SPTBN4: variants seen among roughly 807,000 people sequenced by gnomAD.
SPTBN4 encodes the protein spectrin beta chain, non-erythrocytic 4.
SPTBN4 carries 96 observed loss-of-function variants against 277.8 expected under a neutral mutation model. That is an observed-to-expected ratio of 0.35 (90% confidence interval 0.29 to 0.41). The LOEUF is 0.41. SPTBN4 is among the 10% of genes least tolerant of loss of function. The probability of loss-of-function intolerance (pLI) is 1.00; values close to 1 mark genes in which losing one functional copy is unlikely to be tolerated. For missense variants in SPTBN4, 3,006 were observed against 3,595.7 expected, an observed-to-expected ratio of 0.84 and a Z score of 4.19; for synonymous variants, 1,481 against 1,580.3, an observed-to-expected ratio of 0.94 and a Z score of 1.49.
Position 40,554,484 on chromosome 19 carries a change from G to A in SPTBN4, c.4954-32G>A, listed in dbSNP as rs1240126787. 1 of 1,486,282 alleles carries A rather than the reference G, an allele frequency of 6.7e-7. No individual in the cohort carries two copies. The highest frequency in any genetic ancestry group is 1.4e-5 in the South Asian group (1 of 74,052). 92.1% of individuals were successfully genotyped at this position (1,486,282 alleles called of 1,614,324 possible). On this transcript the variant is annotated intron_variant, in intron 23 of 35. Transcript: ENST00000598249. This position sits in a 1 kb window ranked among gnomAD's most constrained non-coding sequence, Gnocchi z 5.7. Reference sequence around the variant, plus strand: ...GGCGCTGGAGCCGGGGGCCGCCGCTGCCGCCTCATCGTGGGCGCTTTGTGC... The same window carrying A: ...GGCGCTGGAGCCGGGGGCCGCCGCTACCGCCTCATCGTGGGCGCTTTGTGC...
Position 40,554,582 on chromosome 19 carries a change from G to A in SPTBN4, c.5020G>A (p.Glu1674Lys), listed in dbSNP as rs369155462. The A allele has an allele frequency of 1.9e-6, 3 of 1,543,478 alleles. No homozygotes were observed. The highest frequency in any genetic ancestry group is 2.6e-6 in the Non-Finnish European group (3 of 1,143,298). Reference protein sequence around the residue: ...LQLEQGVENYEESIAQLSRQC... With the variant: ...LQLEQGVENYKESIAQLSRQC... ...GCTGGAGCAAGGCGTGGAGAACTAC[G>A]AGGAAAGCATCGCGCAGCTGTCGCG... Residue 1674 changes from glutamate to lysine, a missense_variant, in exon 24 of 36, where the codon GAG becomes AAG. Transcript: ENST00000598249. This position sits in a 1 kb window ranked among gnomAD's most constrained non-coding sequence, Gnocchi z 5.7.
intron 35 of SPTBN4, among the ~76,000 whole-genome samples, chr19:40,572,814 A>G (rs1292647969): frequency 1.3e-5 from 2 of 151,902 alleles, no homozygotes; most frequent in Admixed American, 1.3e-4. Context: ...ACAAAAATTA[A>G]CTGGGCATGG....
Position 40,523,593 on chromosome 19 carries a change from A to G in SPTBN4, c.3811A>G (p.Ile1271Val). The change falls in exon 17 of 36, where the codon ATC becomes GTC. Residue 1271 changes from isoleucine (I) to valine (V), a missense_variant. By Grantham distance (29) the Ile-to-Val change is conservative (BLOSUM62 3). Coordinates refer to ENST00000598249, the MANE Select transcript of SPTBN4 (RefSeq NM_020971.3). ...AAEGLLRQGN[I>V]YGEQAQEAVT... ...AGAGGGCCTGCTGAGGCAGGGCAAC[A>G]TCTACGGGGAGCAGGCTCAGGAGGC... 1 of 1,614,070 alleles carries G rather than the reference A, an allele frequency of 6.2e-7. No homozygotes were observed. Among genetic ancestry groups the G allele is most frequent in the Non-Finnish European group, 8.5e-7 (1 of 1,179,956 alleles).
chr19:40,532,159 G>A (rs2080682633), intron 18 of SPTBN4, among the ~76,000 whole-genome samples: 1 of 151,846 alleles, frequency 6.6e-6, no homozygotes, highest in Admixed American at 6.6e-5. Context: ...TTGGGAATGG[G>A]TTGAGGCTCT....
chr19:40,519,772 G>A lies in SPTBN4; in HGVS notation c.3275G>A (p.Arg1092His). 1 of 1,413,200 alleles carries A rather than the reference G, an allele frequency of 7.1e-7. No homozygotes were observed. The highest frequency in any genetic ancestry group is 1.5e-5 in the South Asian group (1 of 64,704). 87.5% of individuals were successfully genotyped at this position (1,413,200 alleles called of 1,614,324 possible). The change falls in exon 16 of 36, where the codon CGC becomes CAC. Residue 1092 changes from arginine (R) to histidine (H), a missense_variant. This residue lies in a region of SPTBN4 where 1,759 missense variants were observed against 2,061.5 expected (regional missense o/e 0.85). Transcript: ENST00000598249. This position sits in a 1 kb window ranked among gnomAD's most constrained non-coding sequence, Gnocchi z 5.7. ...GTGGCGGCAGCAGGGCGCCTGCAGC[G>A]CTTCCTACATGACCTCGACGCTTTC... is the stretch of plus-strand genomic sequence containing the variant. ...EAVAAAGRLQRFLHDLDAFLD... is the reference protein window; with the variant it reads ...EAVAAAGRLQHFLHDLDAFLD...
At position 40,532,720 on chromosome 19, in the gene SPTBN4, A is replaced by G. The variant is rs1221253129; in HGVS notation, c.4044A>G (p.Ala1348=). The change falls in exon 19 of 36, where the codon GCA becomes GCG. Residue 1348 remains alanine, a synonymous_variant. Transcript: ENST00000598249. ...ATAAGAGATGGCTCCGGCACCAGGC[A>G]TTCATGGCCGAGCTGGCTCAGAATA... ...KLHKRWLRHQ[A]FMAELAQNKE... 2.7e-5 allele frequency: 43 copies of G among 1,613,518 alleles called. No homozygotes were observed. The highest frequency in any genetic ancestry group is 3.6e-5 in the Non-Finnish European group (43 of 1,179,622).
At chr19:40,493,127 A>G in intron 5 of SPTBN4, 73 bp downstream of exon 5, 1 of 1,437,792 alleles carries the variant, frequency 7.0e-7, no homozygotes, top group Non-Finnish European at 9.7e-7. Context: ...CTTCCCAGAC[A>G]AGAGCTCAAG....
chr19:40,519,818 C>G lies in SPTBN4; in HGVS notation c.3321C>G (p.Ala1107=), dbSNP rs1028097970. The stretch of plus-strand genomic sequence containing the variant: ...CTTTCCTGGACTGGCTCGTGCGCGC[C>G]CAGGAGGCGGCGGGCGGCAGCGAGG... The part of the protein sequence containing the change: ...LDAFLDWLVR[A]QEAAGGSEGP... Residue 1107 remains alanine, a synonymous_variant, in exon 16 of 36, where the codon GCC becomes GCG. Transcript: ENST00000598249. This position sits in a 1 kb window ranked among gnomAD's most constrained non-coding sequence, Gnocchi z 5.7. The G allele has an allele frequency of 2.8e-6, 4 of 1,435,210 alleles. No homozygotes were observed. Among genetic ancestry groups the G allele is most frequent in the Admixed American group, 6.0e-5 (2 of 33,206 alleles). The allele number at this position is 1,435,210 out of a possible 1,614,324, so 88.9% of individuals were successfully genotyped here. A position where few individuals can be genotyped will look rare whatever the true frequency, so the allele number is the denominator to read the frequency against.
intron 2 of SPTBN4, among the ~76,000 whole-genome samples, chr19:40,486,730 C>G (rs913839042): frequency 3.3e-5 from 5 of 151,854 alleles, no homozygotes; most frequent in Admixed American, 3.3e-4. Flanking sequence ...GGCGCAATGG[C>G]TCATGCCTGT....
intron 5 of SPTBN4, among the ~76,000 whole-genome samples, chr19:40,493,492 T>G (rs1002067300): frequency 6.6e-6 from 1 of 152,208 alleles, no homozygotes; most frequent in Admixed American, 6.5e-5. Flanking sequence ...GAGATCAGCC[T>G]AGGCAACATA....
chr19:40,492,205 G>A (rs7258710), intron 4 of SPTBN4, among the ~76,000 whole-genome samples: 15,650 of 151,962 alleles, frequency 0.1, 1,101 homozygotes, highest in Middle Eastern at 0.19. Flanking sequence ...CAGGCCTTAC[G>A]GGAGGGGAGA....
intron 2 of SPTBN4, among the ~76,000 whole-genome samples, chr19:40,483,437 T>A (rs1439629677): frequency 1.3e-5 from 2 of 151,942 alleles, no homozygotes. Context: ...AAAAATACAA[T>A]TTTTTAAAAA....
chr19:40,567,315 A>T (rs1324073832), intron 30 of SPTBN4: 1 of 151,186 alleles, frequency 6.6e-6, no homozygotes, highest in Admixed American at 6.6e-5. Flanking sequence ...ATAAATAAAT[A>T]AATAAATAAA....
chr19:40,519,878 G>C lies in SPTBN4; in HGVS notation c.3381G>C (p.Ala1127=). 6.6e-7 allele frequency: 1 copy of C among 1,505,680 alleles called. No individual in the cohort carries two copies. The highest frequency in any genetic ancestry group is 8.8e-7 in the Non-Finnish European group (1 of 1,137,564). The allele number at this position is 1,505,680 out of a possible 1,614,324, so 93.3% of individuals were successfully genotyped here. ...CCAACAGCCTAGAAGAGGCGGACGC[G>C]CTGCTGGCGCGCCACGCTGCGCTCA... ...PLPNSLEEAD[A]LLARHAALKE... The change falls in exon 16 of 36, where the codon GCG becomes GCC. Residue 1127 remains alanine, a synonymous_variant. Coordinates refer to ENST00000598249, the MANE Select transcript of SPTBN4 (RefSeq NM_020971.3). This position sits in a 1 kb window ranked among gnomAD's most constrained non-coding sequence, Gnocchi z 5.7.
chr19:40,512,806 G>A lies in SPTBN4; in HGVS notation c.2017G>A (p.Gly673Ser). ...GCGTCTCCTGGAGGCTGCGGGCGGC[G>A]GCGGTGCGGCGGGCGCAGCGGGCGC... ...KERLLEAAGG[G>S]GAAGAAGAAG... is the part of the protein sequence containing the mutation. Residue 673 changes from glycine to serine, a missense_variant, in exon 14 of 36, where the codon GGC (glycine) becomes AGC (serine). By Grantham distance (56) the Gly-to-Ser change is moderately conservative. Coordinates refer to ENST00000598249, the MANE Select transcript of SPTBN4 (RefSeq NM_020971.3). 6.9e-7 allele frequency: 1 copy of A among 1,457,862 alleles called. No individual in the cohort carries two copies. Among genetic ancestry groups the A allele is most frequent in the East Asian group, 2.8e-5 (1 of 35,486 alleles). The allele number at this position is 1,457,862 out of a possible 1,614,324, so 90.3% of individuals were successfully genotyped here.
At chr19:40,489,823 G>C (rs551884621) in intron 3 of SPTBN4, among the ~76,000 whole-genome samples, 27 of 152,346 alleles carry the variant, frequency 1.8e-4, no homozygotes, top group Admixed American at 3.9e-4. Flanking sequence ...CCCGTGGAAG[G>C]GGCAGAGCCA....
At chr19:40,562,375 C>T (rs1410011107) in intron 27 of SPTBN4, among the ~76,000 whole-genome samples, 1 of 151,874 alleles carries the variant, frequency 6.6e-6, no homozygotes, top group Non-Finnish European at 1.5e-5. Flanking sequence ...ACTAAAAATA[C>T]AAAAATTAGC....
intron 2 of SPTBN4, among the ~76,000 whole-genome samples, chr19:40,484,527 G>C (rs2080046958): frequency 6.6e-6 from 1 of 152,132 alleles, no homozygotes; most frequent in Non-Finnish European, 1.5e-5. Context: ...GTACATTCCA[G>C]GTTAATTTCA....
chr19:40,519,363 C>G lies in SPTBN4; in HGVS notation c.2904-38C>G, dbSNP rs998488307. 1 of 1,472,668 alleles carries G rather than the reference C, an allele frequency of 6.8e-7. No homozygotes were observed. Among genetic ancestry groups the G allele is most frequent in the East Asian group, 2.7e-5 (1 of 37,548 alleles). 91.2% of individuals were successfully genotyped at this position (1,472,668 alleles called of 1,614,324 possible). ...CGGGCCCTCCGCGCCCAAGAGGAGT[C>G]CCTGTCCTCCTCAAGTCACTCTCTT... On this transcript the variant is annotated intron_variant, in intron 15 of 35. Transcript: ENST00000598249. This position sits in a 1 kb window ranked among gnomAD's most constrained non-coding sequence, Gnocchi z 5.7.
Sources: gnomAD v4.1 joint callset for allele counts (sites outside exome capture counted in the v4.1 genomes callset) on GRCh38, gnomAD v4.1.1 for gene constraint, gnomAD v4.1.1 regional missense constraint, Gnocchi (gnomAD v3.1) non-coding constraint, MANE v1.5 for transcripts, NCBI Gene and HGNC (gene_info 2026-07-23, HGNC 2026-07-21) for gene names.